The following KCNMB2 variants were observed in gnomAD, a reference collection of about 807,000 sequenced individuals.
The protein encoded by KCNMB2 is potassium calcium-activated channel subfamily M regulatory beta subunit 2.
In KCNMB2, 9 loss-of-function variants were observed where a neutral mutation model predicts 24.5. The ratio of observed to expected loss-of-function variants is 0.37; its 90% CI spans 0.22 to 0.64. KCNMB2 has a LOEUF of 0.64. Among genes scored for constraint, KCNMB2 ranks in the 30% least tolerant of loss-of-function variants. The probability of loss-of-function intolerance (pLI) is 0.63; values close to 1 mark genes in which losing one functional copy is unlikely to be tolerated. For missense variants in KCNMB2, 226 were observed against 284.3 expected (o/e 0.79, Z 1.47); for synonymous variants, 109 against 104.4 (o/e 1.04, Z -0.27).
At chr3:178,582,040 C>CA (rs1717229823) in intron 1 of KCNMB2, among the ~76,000 whole-genome samples, 1 of 152,016 alleles carries the variant, frequency 6.6e-6, no homozygotes, top group African/African-American at 2.4e-5. Flanking sequence ...TAAATCATTC[C>CA]AATATTAAGA....
rs576258413 is a variant in KCNMB2 at position 178,726,273 on chromosome 3, C to T, written c.-67-81070C>T. 2.0e-5 allele frequency among the ~76,000 whole-genome samples: 3 copies of T among 151,996 alleles called. No individual in the cohort carries two copies. The East Asian group carries it at 5.8e-4, about 29-fold the overall frequency. The stretch of plus-strand genomic sequence containing the variant: ...TATGACATCTGCACATACTGAAAAC[C>T]TCATATGACAATGCCCTAACTTCTA... On this transcript the variant is annotated intron_variant, in intron 1 of 4. Transcript: ENST00000452583.
chr3:178,545,874 G>A (rs925524673), intron 1 of KCNMB2, among the ~76,000 whole-genome samples: 2 of 152,072 alleles, frequency 1.3e-5, no homozygotes, highest in Non-Finnish European at 2.9e-5. Context: ...CATTTTCATC[G>A]CATTTTGACA....
intron 1 of KCNMB2, among the ~76,000 whole-genome samples, chr3:178,754,644 G>A (rs529867970): frequency 5.3e-5 from 8 of 152,198 alleles, no homozygotes; most frequent in African/African-American, 1.9e-4. Flanking sequence ...TATGTCATGC[G>A]CCCCCACAAC....
chr3:178,615,461 G>C (rs973137049), intron 1 of KCNMB2, among the ~76,000 whole-genome samples: 1 of 152,184 alleles, frequency 6.6e-6, no homozygotes, highest in African/African-American at 2.4e-5. Flanking sequence ...CTATTGTATT[G>C]AGGCTGAGCT....
chr3:178,691,377 G>C (rs759893932), intron 1 of KCNMB2, among the ~76,000 whole-genome samples: 20 of 150,712 alleles, frequency 1.3e-4, no homozygotes, highest in Non-Finnish European at 2.9e-4. Context: ...GTACCCATTA[G>C]TTATTTTTCC....
intron 1 of KCNMB2, among the ~76,000 whole-genome samples, chr3:178,739,417 G>C (rs987516872): frequency 6.6e-6 from 1 of 152,078 alleles, no homozygotes; most frequent in African/African-American, 2.4e-5. Flanking sequence ...TTTACCTCTG[G>C]GGACAACTCC....
chr3:178,554,833 C>A (rs1293009252), intron 1 of KCNMB2, among the ~76,000 whole-genome samples: 4 of 152,206 alleles, frequency 2.6e-5, no homozygotes, highest in African/African-American at 9.7e-5. Context: ...AAAGCAATGT[C>A]TTGGTTTTCA....
chr3:178,799,366 A>G (rs1713683525), intron 1 of KCNMB2, among the ~76,000 whole-genome samples: 1 of 152,218 alleles, frequency 6.6e-6, no homozygotes, highest in East Asian at 1.9e-4. Context: ...CAAAAATAGT[A>G]GCATTTCTAT....
chr3:178,775,776 GTCA>G (rs1317117253), intron 1 of KCNMB2, among the ~76,000 whole-genome samples: 4 of 152,172 alleles, frequency 2.6e-5, no homozygotes, highest in African/African-American at 9.7e-5. Context: ...GACACAGGAA[GTCA>G]TCAAGGACAA....
At chr3:178,800,615 T>TTG (rs1713738165) in intron 1 of KCNMB2, among the ~76,000 whole-genome samples, 1 of 152,112 alleles carries the variant, frequency 6.6e-6, no homozygotes, top group South Asian at 2.1e-4. Context: ...GGAAAACAGT[T>TTG]TGGAGTTTCC....
At chr3:178,560,015 G>A (rs1029096891) in intron 1 of KCNMB2, among the ~76,000 whole-genome samples, 2 of 146,646 alleles carry the variant, frequency 1.4e-5, no homozygotes, top group African/African-American at 5.0e-5. Context: ...TGAATACACA[G>A]CATATTTATT....
chr3:178,813,922 C>T (rs555764225), intron 2 of KCNMB2, among the ~76,000 whole-genome samples: 4 of 152,126 alleles, frequency 2.6e-5, no homozygotes, highest in South Asian at 2.1e-4. Flanking sequence ...GAAACTTGAA[C>T]GACCCCTACT....
chr3:178,663,251 T>G (rs1262031751), intron 1 of KCNMB2, among the ~76,000 whole-genome samples: 2 of 152,084 alleles, frequency 1.3e-5, no homozygotes, highest in African/African-American at 4.8e-5. Context: ...GTCCCAAACC[T>G]AGGGTTAATG....
intron 3 of KCNMB2, among the ~76,000 whole-genome samples, chr3:178,827,910 G>A (rs1323429374): frequency 1.3e-5 from 2 of 152,120 alleles, no homozygotes; most frequent in Non-Finnish European, 2.9e-5. Flanking sequence ...GTTCCATAAG[G>A]GAAAAAAGAA....
rs575178662 is a variant in KCNMB2, at chr3:178,828,302, G to A, written c.352G>A (p.Val118Ile). The A allele has an allele frequency of 9.3e-6, 15 of 1,613,724 alleles. No individual in the cohort carries two copies. The highest frequency in any genetic ancestry group is 4.4e-5 in the South Asian group (4 of 91,074). ...TCAGTACCCCTGCCTCCAGGTGTAC[G>A]TTAACCTGACTTCTTCCGGGGAAAA... ...LSQYPCLQVYVNLTSSGEKLL... is the reference protein window; with the variant it reads ...LSQYPCLQVYINLTSSGEKLL... Residue 118 changes from valine to isoleucine, a missense_variant, in exon 4 of 5, where the codon GTT (valine) becomes ATT (isoleucine). Physicochemically the swap from Val to Ile is conservative, Grantham distance 29. Transcript: ENST00000452583.
At chr3:178,797,483 A>C (rs1713596521) in intron 1 of KCNMB2, among the ~76,000 whole-genome samples, 1 of 152,170 alleles carries the variant, frequency 6.6e-6, no homozygotes, top group African/African-American at 2.4e-5. Flanking sequence ...ATCCTCAACA[A>C]ACAGCAAATC....
intron 1 of KCNMB2, among the ~76,000 whole-genome samples, chr3:178,614,766 G>T: frequency 6.6e-6 from 1 of 152,076 alleles, no homozygotes; most frequent in East Asian, 1.9e-4. Context: ...TCCACCATTG[G>T]TCCCTGGTGA....
intron 1 of KCNMB2, among the ~76,000 whole-genome samples, chr3:178,736,272 C>G (rs1723314032): frequency 6.6e-6 from 1 of 152,136 alleles, no homozygotes; most frequent in Admixed American, 6.5e-5. Flanking sequence ...ACTCAATAAC[C>G]TTACTTAAAA....
At chr3:178,548,234 T>G (rs1715837941) in intron 1 of KCNMB2, among the ~76,000 whole-genome samples, 1 of 152,198 alleles carries the variant, frequency 6.6e-6, no homozygotes, top group Admixed American at 6.5e-5. Flanking sequence ...AATCAGAATC[T>G]TTTTGGGTAA....
Sources: allele counts gnomAD v4.1 joint callset (sites outside exome capture counted in the v4.1 genomes callset), GRCh38; gene constraint gnomAD v4.1.1; transcripts MANE v1.5; gene names NCBI Gene and HGNC (gene_info 2026-07-23, HGNC 2026-07-21).